NCK2: variants seen among roughly 807,000 people sequenced by gnomAD.
The protein encoded by NCK2 is NCK adaptor protein 2.
Under a neutral mutation model 33.9 loss-of-function variants are expected in NCK2, and 16 were observed. The ratio of observed to expected loss-of-function variants is 0.47; its 90% confidence interval spans 0.32 to 0.72. The LOEUF (loss-of-function observed/expected upper bound fraction) is 0.72. Among genes scored for constraint, NCK2 ranks in the 30% least tolerant of loss-of-function variants. The pLI is 0.03. For missense variants in NCK2, 418 were observed against 537.3 expected, an observed-to-expected ratio of 0.78 and a Z score of 2.19; for synonymous variants, 273 against 239.9, an observed-to-expected ratio of 1.14 and a Z score of -1.27.
At chr2:105,769,010 C>T (rs1387365785) in intron 1 of NCK2, among the ~76,000 whole-genome samples, 1 of 151,820 alleles carries the variant, frequency 6.6e-6, no homozygotes, top group African/African-American at 2.4e-5. Flanking sequence ...AGAAAGTTCC[C>T]ACTCTCTAAT....
intron 3 of NCK2, among the ~76,000 whole-genome samples, chr2:105,858,084 A>T (rs1677363125): frequency 6.9e-6 from 1 of 144,660 alleles, no homozygotes; most frequent in African/African-American, 2.6e-5. Context: ...AAAAGATAGG[A>T]GCCAAAGTGT....
intron 1 of NCK2, among the ~76,000 whole-genome samples, chr2:105,763,198 C>T (rs1306493917): frequency 1.3e-5 from 2 of 151,862 alleles, no homozygotes; most frequent in Non-Finnish European, 2.9e-5. Context: ...ACTCTTGTCT[C>T]CAAAAAAAAC....
intron 1 of NCK2, among the ~76,000 whole-genome samples, chr2:105,774,607 G>C (rs1279013469): frequency 6.6e-6 from 1 of 152,046 alleles, no homozygotes; most frequent in African/African-American, 2.4e-5. Context: ...TGGTCATGTG[G>C]CTGGGGAAGG....
At chr2:105,804,209 C>T (rs1199562058) in intron 1 of NCK2, among the ~76,000 whole-genome samples, 4 of 152,202 alleles carry the variant, frequency 2.6e-5, no homozygotes, top group Non-Finnish European at 4.4e-5. Flanking sequence ...CCTGTTTCCT[C>T]ACTGCACAAA....
intron 1 of NCK2, among the ~76,000 whole-genome samples, chr2:105,769,797 T>C (rs1315426758): frequency 2.3e-5 from 1 of 44,180 alleles, no homozygotes; most frequent in Admixed American, 2.5e-4. Context: ...GTAAAAGGAG[T>C]TGTAGAAGGT....
chr2:105,812,130 T>C (rs1247430880), intron 1 of NCK2, among the ~76,000 whole-genome samples: 1 of 152,148 alleles, frequency 6.6e-6, no homozygotes, highest in Non-Finnish European at 1.5e-5. Flanking sequence ...CAGAAAAACT[T>C]GATACTTTTA....
At chr2:105,750,069 A>ACACACACACACACACACACAC (rs1558820044) in intron 1 of NCK2, among the ~76,000 whole-genome samples, 8 of 56,648 alleles carry the variant, frequency 1.4e-4, no homozygotes, top group Non-Finnish European at 2.7e-4. Flanking sequence ...CACACACACA[A>ACACACACACACACACACACAC]AACAACAACA....
intron 2 of NCK2, among the ~76,000 whole-genome samples, chr2:105,829,645 G>A (rs941876406): frequency 1.3e-5 from 2 of 152,080 alleles, no homozygotes; most frequent in Non-Finnish European, 2.9e-5. Flanking sequence ...TGATTTTCTC[G>A]TGAGGGTTTT....
chr2:105,790,489 G>A (rs2104423421), intron 1 of NCK2, among the ~76,000 whole-genome samples: 1 of 152,308 alleles, frequency 6.6e-6, no homozygotes, highest in African/African-American at 2.4e-5. Context: ...GGCCACCCCC[G>A]CCTGCCCCAT....
chr2:105,820,057 A>G (rs1342229406), intron 2 of NCK2, among the ~76,000 whole-genome samples: 1 of 152,208 alleles, frequency 6.6e-6, no homozygotes, highest in Non-Finnish European at 1.5e-5. Context: ...GCAGGGATCA[A>G]CTGACCCTTT....
Position 105,855,369 on chromosome 2 carries a change from CA to C in NCK2, c.226+92del, listed in dbSNP as rs3832068. The C allele has an allele frequency of 6.6e-3, 4,865 of 734,980 alleles. 1 individual carries two copies. The highest frequency in any genetic ancestry group is 0.015 in the South Asian group (536 of 35,710). 45.5% of individuals were successfully genotyped at this position (734,980 alleles called of 1,614,324 possible). On this transcript the variant is annotated intron_variant, in intron 3 of 4. Transcript: ENST00000233154. Reference sequence around the variant, plus strand: ...CGTCTTTCTAGTTAGTTTGCTGTTTCAAAAAAAAAAAAGTCTGTTTTAAAAG... The same window carrying C: ...CGTCTTTCTAGTTAGTTTGCTGTTTCAAAAAAAAAAAGTCTGTTTTAAAAG...
chr2:105,856,933 G>T (rs911385501), intron 3 of NCK2: 4 of 151,940 alleles, frequency 2.6e-5, no homozygotes, highest in Admixed American at 6.6e-5. Context: ...CTTGAAGGTT[G>T]TCCTGAGCTT....
intron 3 of NCK2, among the ~76,000 whole-genome samples, chr2:105,863,376 T>C (rs1356810856): frequency 6.6e-6 from 1 of 152,132 alleles, no homozygotes; most frequent in Admixed American, 6.5e-5. Context: ...CCTTTCTCTA[T>C]CCCTTGGAAA....
intron 2 of NCK2, among the ~76,000 whole-genome samples, chr2:105,833,438 T>C (rs1355574555): frequency 1.3e-5 from 2 of 152,296 alleles, no homozygotes; most frequent in Admixed American, 6.5e-5. Flanking sequence ...TATGTGTGTC[T>C]AAGAATTTAC....
At chr2:105,796,118 T>C (rs1331549802) in intron 1 of NCK2, among the ~76,000 whole-genome samples, 1 of 152,228 alleles carries the variant, frequency 6.6e-6, no homozygotes, top group East Asian at 1.9e-4. Flanking sequence ...TTTTATTAGG[T>C]GCATGCACAT....
chr2:105,872,225 A>G (rs1323912372), intron 3 of NCK2, among the ~76,000 whole-genome samples: 1 of 152,164 alleles, frequency 6.6e-6, no homozygotes, highest in African/African-American at 2.4e-5. Flanking sequence ...CTCTGCAGCT[A>G]CGGGATCAGC....
chr2:105,772,557 T>TA (rs1326128490), intron 1 of NCK2, among the ~76,000 whole-genome samples: 1 of 152,110 alleles, frequency 6.6e-6, no homozygotes, highest in East Asian at 1.9e-4. Flanking sequence ...AGCCGCATGT[T>TA]ACTGATGCTG....
intron 3 of NCK2, among the ~76,000 whole-genome samples, chr2:105,881,016 C>T (rs1678454405): frequency 2.1e-5 from 3 of 144,306 alleles, no homozygotes; most frequent in Non-Finnish European, 4.5e-5. Flanking sequence ...AGACTCCTGG[C>T]CTCAAGCAAT....
intron 1 of NCK2, among the ~76,000 whole-genome samples, chr2:105,770,124 TAAA>T (rs76726445): frequency 0.013 from 1,700 of 126,764 alleles, 14 homozygotes; most frequent in African/African-American, 0.013. Flanking sequence ...CACTAATAAG[TAAA>T]AAAAAAAAAA....
Sources: allele counts gnomAD v4.1 joint callset (sites outside exome capture counted in the v4.1 genomes callset), GRCh38; gene constraint gnomAD v4.1.1; transcripts MANE v1.5; gene names NCBI Gene and HGNC (gene_info 2026-07-23, HGNC 2026-07-21).